IHO1: variants seen among roughly 807,000 people sequenced by gnomAD.
IHO1 encodes the protein interactor of HORMAD1 1.
Under a neutral mutation model 31.0 loss-of-function variants are expected in IHO1, and 13 were observed. The observed-to-expected ratio is 0.42, with a 90% CI of 0.27 to 0.67. The LOEUF is 0.67. IHO1 is among the 30% of genes least tolerant of loss of function. The probability of loss-of-function intolerance (pLI) is 0.24; values close to 1 mark genes in which losing one functional copy is unlikely to be tolerated. For synonymous variants in IHO1, 221 were observed against 248.4 expected, an observed-to-expected ratio of 0.89 and a Z score of 1.04; for missense variants, 599 against 687.5, an observed-to-expected ratio of 0.87 and a Z score of 1.44.
At chr3:49,214,046 A>C (rs1225833245) in intron 2 of IHO1, 1 of 286,120 alleles carries the variant, frequency 3.5e-6, no homozygotes, top group Non-Finnish European at 7.8e-6. Flanking sequence ...TATCTGCTGT[A>C]TCTTCTTGTG....
At chr3:49,195,146 G>A (rs1208683698), upstream of IHO1, among the ~76,000 whole-genome samples, 1 of 151,924 alleles carries the variant, frequency 6.6e-6, no homozygotes, top group Non-Finnish European at 1.5e-5. Context: ...TGGGCTGGCT[G>A]CAGTGGCTCT....
rs567427771 is a variant in IHO1, at chr3:49,209,362, C to T, written c.-15-2404C>T. ...AAATGCTTGCATTTCTGGCTGGGCACAGTGGCTTACGCCTGTAATCCCAGC... is the reference window on the plus strand; with the variant it reads ...AAATGCTTGCATTTCTGGCTGGGCATAGTGGCTTACGCCTGTAATCCCAGC... On this transcript the variant is annotated intron_variant, in intron 1 of 7. Coordinates refer to ENST00000452691, the MANE Select transcript of IHO1 (RefSeq NM_001135197.2). 7.2e-5 allele frequency among the ~76,000 whole-genome samples: 11 copies of T among 152,224 alleles called. 1 individual carries two copies. In the South Asian group the frequency reaches 2.3e-3, roughly 32 times the overall value.
chr3:49,226,145 C>A lies in IHO1; in HGVS notation c.57-10403C>A, dbSNP rs565620722. 1.8e-4 allele frequency among the ~76,000 whole-genome samples: 28 copies of A among 152,302 alleles called. 1 individual carries two copies. The South Asian group carries it at 3.7e-3, about 20-fold the overall frequency. On this transcript the variant is annotated intron_variant, in intron 2 of 7. Transcript: ENST00000452691. Reference sequence around the variant, plus strand: ...TGCTCCATTTTCTGTCCTCTCTGAACCACCAAGGTTGGTTTGTCTGAGTGC... The same window carrying A: ...TGCTCCATTTTCTGTCCTCTCTGAAACACCAAGGTTGGTTTGTCTGAGTGC...
At chr3:49,206,668 C>T (rs2046142468) in intron 1 of IHO1, among the ~76,000 whole-genome samples, 1 of 152,144 alleles carries the variant, frequency 6.6e-6, no homozygotes. Flanking sequence ...GCCTAATCTC[C>T]TGAGAATGCA....
intron 1 of IHO1, among the ~76,000 whole-genome samples, chr3:49,208,800 C>A (rs938595747): frequency 5.3e-5 from 8 of 152,168 alleles, no homozygotes; most frequent in Non-Finnish European, 1.2e-4. Context: ...ATCTAAACAT[C>A]GACATCTCAA....
intron 3 of IHO1, among the ~76,000 whole-genome samples, chr3:49,237,126 G>A (rs2046568838): frequency 6.6e-6 from 1 of 151,876 alleles, no homozygotes; most frequent in Non-Finnish European, 1.5e-5. Flanking sequence ...GAGGCAGGTG[G>A]ATCACAAGGT....
intron 6 of IHO1, among the ~76,000 whole-genome samples, chr3:49,250,353 G>T (rs1397975674): frequency 6.6e-6 from 1 of 152,132 alleles, no homozygotes; most frequent in African/African-American, 2.4e-5. Flanking sequence ...TAATGAGTTT[G>T]ATACAAAAGC....
chr3:49,236,837 T>C (rs1207079722), intron 3 of IHO1, 115 bp downstream of exon 3: 2 of 983,040 alleles, frequency 2.0e-6, no homozygotes, highest in Non-Finnish European at 2.9e-6. Flanking sequence ...ATCCCTGCAC[T>C]TGGGGAGGCT....
intron 2 of IHO1, among the ~76,000 whole-genome samples, chr3:49,217,642 TA>T (rs3083866): frequency 0.11 from 16,437 of 147,246 alleles, 1,211 homozygotes; most frequent in African/African-American, 0.22. Flanking sequence ...TAAAGTATAA[TA>T]AAAAAAAAAA....
In IHO1 at chr3:49,257,333, C is replaced by A; in HGVS notation, c.*51C>A. ...TCAGCTAGAAAGAGAAATTGCAGGA[C>A]ATTTGGGCTGGCCAACAGCAGAAAG... is the stretch of plus-strand genomic sequence containing the variant. On this transcript the variant is annotated 3_prime_UTR_variant, in exon 8 of 8. Transcript: ENST00000452691. 1.3e-6 allele frequency: 2 copies of A among 1,548,136 alleles called. No individual in the cohort carries two copies. The highest frequency in any genetic ancestry group is 1.8e-6 in the Non-Finnish European group (2 of 1,137,384).
In IHO1 at chr3:49,257,309, C is replaced by T. The variant is rs369473759; in HGVS notation, c.*27C>T. 3.8e-6 allele frequency: 6 copies of T among 1,590,768 alleles called. No individual in the cohort carries two copies. The highest frequency in any genetic ancestry group is 2.2e-5 in the East Asian group (1 of 44,664). On this transcript the variant is annotated 3_prime_UTR_variant, in exon 8 of 8. Coordinates refer to ENST00000452691, the MANE Select transcript of IHO1 (RefSeq NM_001135197.2). ...CAGTCCACAGTTGATTTATTGGTCT[C>T]AGCTAGAAAGAGAAATTGCAGGACA...
chr3:49,207,994 G>C (rs541213011), intron 1 of IHO1, among the ~76,000 whole-genome samples: 2 of 151,594 alleles, frequency 1.3e-5, no homozygotes, highest in Non-Finnish European at 2.9e-5. Flanking sequence ...GGATGGTCTC[G>C]ATCTCCTGAC....
upstream of IHO1, among the ~76,000 whole-genome samples, chr3:49,196,979 C>CTT (rs1162418107): frequency 4.6e-3 from 436 of 94,302 alleles, 6 homozygotes; most frequent in African/African-American, 0.016. Flanking sequence ...CACGTTTTTA[C>CTT]TTTTTTTTTT....
At position 49,207,330 on chromosome 3, in the gene IHO1, C is replaced by T. The variant is rs974827436; in HGVS notation, c.-15-4436C>T. 4.0e-5 allele frequency among the ~76,000 whole-genome samples: 6 copies of T among 150,250 alleles called. No homozygotes were observed. The East Asian group carries it at 1.2e-3, about 30-fold the overall frequency. Reference sequence around the variant, plus strand: ...GTGTGATCTCGGCTCACTGCAAACTCTGCCTCCCAGGTTCAAGGGATTCTC... The same window carrying T: ...GTGTGATCTCGGCTCACTGCAAACTTTGCCTCCCAGGTTCAAGGGATTCTC... On this transcript the variant is annotated intron_variant, in intron 1 of 7. Coordinates refer to ENST00000452691, the MANE Select transcript of IHO1 (RefSeq NM_001135197.2).
chr3:49,243,302 C>A (rs2107729108), intron 4 of IHO1, among the ~76,000 whole-genome samples: 1 of 152,098 alleles, frequency 6.6e-6, no homozygotes. Context: ...GACACCATGC[C>A]CAGCTAATAT....
rs1318478080 is a variant in IHO1 at position 49,256,021 on chromosome 3, A to G, written c.637-113A>G. 1.8e-5 allele frequency: 17 copies of G among 926,922 alleles called. No individual in the cohort carries two copies. Among genetic ancestry groups the G allele is most frequent in the Non-Finnish European group, 2.8e-5 (17 of 608,046 alleles). 57.4% of individuals were successfully genotyped at this position (926,922 alleles called of 1,614,324 possible). A position where few individuals can be genotyped will look rare whatever the true frequency, so the allele number is the denominator to read the frequency against. ...TTGTGCTTACCCTGAGAGGTTCCCT[A>G]CAAGGAGCAAGCCTTGGTTCTGCTG... On this transcript the variant is annotated intron_variant, in intron 7 of 7. Coordinates refer to ENST00000452691, the MANE Select transcript of IHO1 (RefSeq NM_001135197.2). The surrounding 1 kb of genome is among the most constrained non-coding windows in gnomAD (Gnocchi z 4.6).
intron 2 of IHO1, among the ~76,000 whole-genome samples, chr3:49,212,739 C>G (rs2046238431): frequency 6.6e-6 from 1 of 152,064 alleles, no homozygotes; most frequent in African/African-American, 2.4e-5. Context: ...CTTGCTGGCT[C>G]AGGAGTGAAG....
upstream of IHO1, among the ~76,000 whole-genome samples, chr3:49,194,820 C>T (rs766597113): frequency 4.6e-5 from 7 of 151,804 alleles, no homozygotes; most frequent in Admixed American, 3.3e-4. Flanking sequence ...TGCTTGACCC[C>T]GGGAGGGCGA....
chr3:49,217,259 C>T (rs1274392665), intron 2 of IHO1, among the ~76,000 whole-genome samples: 3 of 151,922 alleles, frequency 2.0e-5, no homozygotes, highest in Non-Finnish European at 4.4e-5. Flanking sequence ...CAATGAGAGA[C>T]TGGATTAAGA....
Sources: allele counts gnomAD v4.1 joint callset (sites outside exome capture counted in the v4.1 genomes callset), GRCh38; gene constraint gnomAD v4.1.1; non-coding constraint Gnocchi (gnomAD v3.1); transcripts MANE v1.5; gene names NCBI Gene and HGNC (gene_info 2026-07-23, HGNC 2026-07-21).